EEPD1: variants seen among roughly 807,000 people sequenced by gnomAD.
The protein encoded by EEPD1 is endonuclease/exonuclease/phosphatase family domain-containing protein 1.
Under a neutral mutation model 46.3 loss-of-function variants are expected in EEPD1, and 17 were observed. The ratio of observed to expected loss-of-function variants is 0.37; its 90% CI spans 0.25 to 0.55. The LOEUF (loss-of-function observed/expected upper bound fraction) is 0.55. Ranked by LOEUF, EEPD1 falls within the 20% of genes least tolerant of loss-of-function variation. EEPD1 has a pLI of 0.83. For synonymous variants in EEPD1, 313 were observed against 315.6 expected (o/e 0.99, Z 0.09); for missense variants, 673 against 745.6 (o/e 0.90, Z 1.13).
At chr7:36,222,409 T>C (rs754522582) in intron 2 of EEPD1, among the ~76,000 whole-genome samples, 2 of 152,134 alleles carry the variant, frequency 1.3e-5, no homozygotes, top group Non-Finnish European at 2.9e-5. Flanking sequence ...GAGGGGTTGG[T>C]CTTGTTATCT....
chr7:36,283,042 A>G (rs1023073505), intron 4 of EEPD1, among the ~76,000 whole-genome samples: 1 of 152,288 alleles, frequency 6.6e-6, no homozygotes, highest in Admixed American at 6.5e-5. Context: ...TCTTCTCCCC[A>G]GCTCCCTAGG....
intron 3 of EEPD1, among the ~76,000 whole-genome samples, chr7:36,276,098 G>A (rs550503132): frequency 1.7e-4 from 26 of 152,310 alleles, no homozygotes; most frequent in African/African-American, 6.3e-4. Context: ...TAGGGGCTGG[G>A]TAACCTACTG....
At chr7:36,238,439 C>G (rs569750330) in intron 2 of EEPD1, among the ~76,000 whole-genome samples, 1 of 152,288 alleles carries the variant, frequency 6.6e-6, no homozygotes, top group East Asian at 1.9e-4. Flanking sequence ...AGTTCTACTT[C>G]CTGTCTGTGT....
At chr7:36,280,289 G>T (rs1787240411) in intron 3 of EEPD1, among the ~76,000 whole-genome samples, 1 of 152,202 alleles carries the variant, frequency 6.6e-6, no homozygotes, top group Non-Finnish European at 1.5e-5. Context: ...GGGGCTGAAT[G>T]AGAGTCCTTA....
chr7:36,287,482 G>C (rs911649099), intron 5 of EEPD1, 157 bp from the exon 6 acceptor site: 42 of 1,171,580 alleles, frequency 3.6e-5, no homozygotes, highest in Non-Finnish European at 4.7e-5. Flanking sequence ...AATCGAAGAT[G>C]AAAGACCTTA....
intron 6 of EEPD1, among the ~76,000 whole-genome samples, chr7:36,294,957 C>G (rs895240237): frequency 6.6e-6 from 1 of 152,106 alleles, no homozygotes; most frequent in African/African-American, 2.4e-5. Context: ...GTGAGCGGAT[C>G]ACTTGAGGTC....
intron 2 of EEPD1, among the ~76,000 whole-genome samples, chr7:36,209,986 G>T (rs1421566045): frequency 6.6e-6 from 1 of 152,062 alleles, no homozygotes; most frequent in African/African-American, 2.4e-5. Context: ...GGGAGGAAAA[G>T]CTCCCTTAGA....
At chr7:36,156,209 T>G (rs1784822884) in intron 2 of EEPD1, among the ~76,000 whole-genome samples, 1 of 152,044 alleles carries the variant, frequency 6.6e-6, no homozygotes, top group Non-Finnish European at 1.5e-5. Flanking sequence ...TGACACGAAG[T>G]GAACTCTCAG....
At chr7:36,177,105 G>C (rs1785195473) in intron 2 of EEPD1, among the ~76,000 whole-genome samples, 1 of 152,144 alleles carries the variant, frequency 6.6e-6, no homozygotes, top group African/African-American at 2.4e-5. Flanking sequence ...TGTGGTGATG[G>C]TTGCATAACT....
Position 36,264,881 on chromosome 7 carries a change from G to A in EEPD1, c.931-16234G>A, listed in dbSNP as rs537748922. ...CCAAAGTGAGAATGCTATTTCATGA[G>A]CTGCCACCTATAGTTCTTGCTGCCC... is the stretch of plus-strand genomic sequence containing the variant. On this transcript the variant is annotated intron_variant, in intron 3 of 7. Transcript: ENST00000242108. 2.1e-4 allele frequency among the ~76,000 whole-genome samples: 32 copies of A among 151,052 alleles called. 1 individual carries two copies. The South Asian group carries it at 5.7e-3, about 27-fold the overall frequency.
At chr7:36,168,819 G>A (rs1785033537) in intron 2 of EEPD1, among the ~76,000 whole-genome samples, 1 of 151,668 alleles carries the variant, frequency 6.6e-6, no homozygotes, top group South Asian at 2.1e-4. Context: ...AGATCTAGAA[G>A]TATGAAGAGA....
intron 3 of EEPD1, among the ~76,000 whole-genome samples, chr7:36,266,140 A>G (rs1190026413): frequency 6.6e-6 from 1 of 152,196 alleles, no homozygotes; most frequent in African/African-American, 2.4e-5. Flanking sequence ...CTCACAAAAT[A>G]GCCACAAAAT....
chr7:36,249,027 A>ACACACACACG (rs1235463841), intron 3 of EEPD1, among the ~76,000 whole-genome samples: 1 of 151,688 alleles, frequency 6.6e-6, no homozygotes, highest in African/African-American at 2.4e-5. Flanking sequence ...ACACACACAC[A>ACACACACACG]CACACACATT....
intron 2 of EEPD1, among the ~76,000 whole-genome samples, chr7:36,208,779 C>T (rs1785870376): frequency 6.6e-6 from 1 of 152,198 alleles, no homozygotes; most frequent in East Asian, 1.9e-4. Flanking sequence ...CTAAGCATAT[C>T]CTCATTAGAG....
At chr7:36,230,519 T>G (rs1786305087) in intron 2 of EEPD1, among the ~76,000 whole-genome samples, 1 of 152,166 alleles carries the variant, frequency 6.6e-6, no homozygotes, top group Non-Finnish European at 1.5e-5. Context: ...GAGCAGGCCA[T>G]GCTCACTCTG....
intron 2 of EEPD1, among the ~76,000 whole-genome samples, chr7:36,167,777 G>A (rs1478076527): frequency 2.6e-5 from 4 of 152,022 alleles, no homozygotes; most frequent in East Asian, 1.9e-4. Flanking sequence ...GTGCAGTGGC[G>A]CCATCTCAGC....
At chr7:36,212,743 A>C (rs1164061866) in intron 2 of EEPD1, among the ~76,000 whole-genome samples, 1 of 151,916 alleles carries the variant, frequency 6.6e-6, no homozygotes, top group Non-Finnish European at 1.5e-5. Context: ...ACACATGTAC[A>C]TGTAGGAATA....
At chr7:36,228,277 C>T (rs1340018845) in intron 2 of EEPD1, among the ~76,000 whole-genome samples, 1 of 152,150 alleles carries the variant, frequency 6.6e-6, no homozygotes. Flanking sequence ...CGCCCTAATC[C>T]CGCACTTCGG....
chr7:36,179,697 TAAAAAAAAAAAA>T (rs56263813), intron 2 of EEPD1, among the ~76,000 whole-genome samples: 3 of 85,468 alleles, frequency 3.5e-5, no homozygotes, highest in South Asian at 4.9e-4. Context: ...CTGTCTCTAC[TAAAAAAAAAAAA>T]AAAAAAAAAA....
Sources: allele counts gnomAD v4.1 joint callset (sites outside exome capture counted in the v4.1 genomes callset), GRCh38; gene constraint gnomAD v4.1.1; transcripts MANE v1.5; gene names NCBI Gene and HGNC (gene_info 2026-07-23, HGNC 2026-07-21).